The following PXK variants were observed in gnomAD, a reference collection of about 807,000 sequenced individuals.
PXK encodes the protein PX domain containing serine/threonine kinase like.
PXK carries 35 observed loss-of-function variants against 84.7 expected under a neutral mutation model. The observed-to-expected ratio is 0.41, with a 90% CI of 0.32 to 0.55. The LOEUF (loss-of-function observed/expected upper bound fraction) is 0.55. PXK is among the 20% of genes least tolerant of loss of function. The pLI is 0.21. For synonymous variants in PXK, 253 were observed against 260.8 expected, an observed-to-expected ratio of 0.97 and a Z score of 0.29; for missense variants, 634 against 699.7, an observed-to-expected ratio of 0.91 and a Z score of 1.06.
chr3:58,374,921 C>T (rs1220955800), intron 3 of PXK, among the ~76,000 whole-genome samples: 1 of 152,074 alleles, frequency 6.6e-6, no homozygotes, highest in Non-Finnish European at 1.5e-5. Flanking sequence ...GCAGGAAAAC[C>T]ACCTCCGGTC....
At chr3:58,351,865 T>C (rs2097933877) in intron 1 of PXK, among the ~76,000 whole-genome samples, 1 of 152,212 alleles carries the variant, frequency 6.6e-6, no homozygotes, top group South Asian at 2.1e-4. Flanking sequence ...CTGTGCTTGC[T>C]GATTAGAGTC....
intron 4 of PXK, among the ~76,000 whole-genome samples, chr3:58,389,300 A>G (rs1254346141): frequency 6.6e-6 from 1 of 152,186 alleles, no homozygotes; most frequent in African/African-American, 2.4e-5. Flanking sequence ...CTATAATTCC[A>G]GATGGGATAA....
Position 58,400,048 on chromosome 3 carries a change from C to G in PXK, c.1181+671C>G, listed in dbSNP as rs1410046236. Among the ~76,000 whole-genome samples, 1 of 151,938 alleles carries G rather than the reference C, an allele frequency of 6.6e-6. No homozygotes were observed. The highest frequency in any genetic ancestry group is 6.6e-5 in the Admixed American group (1 of 15,246). Reference sequence around the variant, plus strand: ...CAGCAGAGTGGTTAAGAAGGGTGTGCCTGGGGTGGGACAGACCTGGAGGTG... The same window carrying G: ...CAGCAGAGTGGTTAAGAAGGGTGTGGCTGGGGTGGGACAGACCTGGAGGTG... On this transcript the variant is annotated intron_variant, in intron 12 of 17. Transcript: ENST00000356151. This position sits in a 1 kb window ranked among gnomAD's most constrained non-coding sequence, Gnocchi z 4.0.
At chr3:58,423,495 G>GT (rs2062270527) in intron 17 of PXK, 1 of 1,534,496 alleles carries the variant, frequency 6.5e-7, no homozygotes, top group Admixed American at 2.0e-5. Flanking sequence ...GTAAAGAAAG[G>GT]TAAGTGATTT....
intron 7 of PXK, among the ~76,000 whole-genome samples, chr3:58,392,215 G>T (rs550167063): frequency 6.6e-6 from 1 of 152,184 alleles, no homozygotes; most frequent in East Asian, 1.9e-4. Flanking sequence ...GATAAGCTGG[G>T]TGAAGAAAAG....
intron 3 of PXK, among the ~76,000 whole-genome samples, chr3:58,382,118 T>A (rs2098509133): frequency 6.6e-6 from 1 of 151,928 alleles, no homozygotes; most frequent in South Asian, 2.1e-4. Flanking sequence ...GAGTTTGAGA[T>A]CAGCCTGGCC....
At chr3:58,353,204 A>G (rs1409794346) in intron 1 of PXK, among the ~76,000 whole-genome samples, 1 of 152,102 alleles carries the variant, frequency 6.6e-6, no homozygotes, top group East Asian at 1.9e-4. Flanking sequence ...TCACCGTGTT[A>G]GCCAGAATGG....
chr3:58,419,133 G>A lies in PXK; in HGVS notation c.1529-5619G>A, dbSNP rs942851965. Among the ~76,000 whole-genome samples the A allele has an allele frequency of 2.7e-5, 4 of 149,624 alleles. No homozygotes were observed. In the East Asian group the frequency reaches 5.8e-4, roughly 22 times the overall value. On this transcript the variant is annotated intron_variant, in intron 17 of 17. Coordinates refer to ENST00000356151, the MANE Select transcript of PXK (RefSeq NM_017771.5). The stretch of plus-strand genomic sequence containing the variant: ...TAGGCTGAGTGGGGAAACCCAGCAA[G>A]TCTGTCTGTCTAGATTCTTCTCAGC...
In PXK at chr3:58,425,907, T is replaced by G. The variant is rs2062750470; in HGVS notation, c.*947T>G. On this transcript the variant is annotated 3_prime_UTR_variant, in exon 18 of 18. Transcript: ENST00000356151. ...ACTTTAAAGGATTATAAATAATCCA[T>G]TTAAAAATTCAAGTACACACATCAG... is the stretch of plus-strand genomic sequence containing the variant. 6.6e-6 allele frequency: 1 copy of G among 152,262 alleles called. No individual in the cohort carries two copies. The highest frequency in any genetic ancestry group is 6.5e-5 in the Admixed American group (1 of 15,284). The allele number at this position is 152,262 out of a possible 1,614,324, so 9.4% of individuals were successfully genotyped here. A position where few individuals can be genotyped will look rare whatever the true frequency, so the allele number is the denominator to read the frequency against.
chr3:58,390,562 T>G lies in PXK; in HGVS notation c.389-20T>G, dbSNP rs758085478. ...TTTCCTGATATGTCTGACTAATGGG[T>G]TTCTAAAATGTCTTTGCAGAGATTG... On this transcript the variant is annotated intron_variant, in intron 4 of 17. Transcript: ENST00000356151. The surrounding 1 kb of genome is among the most constrained non-coding windows in gnomAD (Gnocchi z 4.2). 1.2e-6 allele frequency: 2 copies of G among 1,604,108 alleles called. No homozygotes were observed. Among genetic ancestry groups the G allele is most frequent in the Admixed American group, 3.4e-5 (2 of 59,454 alleles).
rs1288300827 is a variant in PXK at position 58,333,193 on chromosome 3, C to T, written c.102+103C>T. On this transcript the variant is annotated intron_variant, in intron 1 of 17. Coordinates refer to ENST00000356151, the MANE Select transcript of PXK (RefSeq NM_017771.5). The surrounding 1 kb of genome is among the most constrained non-coding windows in gnomAD (Gnocchi z 5.4). Reference sequence around the variant, plus strand: ...CCGGGCAGGGTCGTCGGACGGAGACCGGGCCACAGGGTGGGCGGCCCTGGC... The same window carrying T: ...CCGGGCAGGGTCGTCGGACGGAGACTGGGCCACAGGGTGGGCGGCCCTGGC... 3.0e-6 allele frequency: 2 copies of T among 671,724 alleles called. No homozygotes were observed. The highest frequency in any genetic ancestry group is 2.0e-5 in the African/African-American group (1 of 50,714). 41.6% of individuals were successfully genotyped at this position (671,724 alleles called of 1,614,324 possible).
intron 17 of PXK, among the ~76,000 whole-genome samples, chr3:58,417,458 G>GC (rs2061159539): frequency 6.6e-6 from 1 of 152,110 alleles, no homozygotes; most frequent in African/African-American, 2.4e-5. Flanking sequence ...AAGGGTTGGG[G>GC]CCCCTCCCTT....
Position 58,348,914 on chromosome 3 carries a change from CT to C in PXK, c.102+15832del, listed in dbSNP as rs1422362318. On this transcript the variant is annotated intron_variant, in intron 1 of 17. Coordinates refer to ENST00000356151, the MANE Select transcript of PXK (RefSeq NM_017771.5). Reference sequence around the variant, plus strand: ...GTAACAGAGTGAGACCCTGTCTGTACTTTTTTTTAATTAATATGTTTTGCAT... The same window carrying C: ...GTAACAGAGTGAGACCCTGTCTGTACTTTTTTTAATTAATATGTTTTGCAT... Among the ~76,000 whole-genome samples, 3 of 150,552 alleles carry C rather than the reference CT, an allele frequency of 2.0e-5. No individual in the cohort carries two copies. In the East Asian group the frequency reaches 6.0e-4, roughly 30 times the overall value.
At chr3:58,350,694 A>ACATT (rs2097905779) in intron 1 of PXK, among the ~76,000 whole-genome samples, 1 of 152,144 alleles carries the variant, frequency 6.6e-6, no homozygotes, top group African/African-American at 2.4e-5. Context: ...CTCCCTTCAG[A>ACATT]CATTGTTGGG....
At chr3:58,338,992 C>A (rs1405053954) in intron 1 of PXK, among the ~76,000 whole-genome samples, 8 of 152,024 alleles carry the variant, frequency 5.3e-5, no homozygotes, top group Non-Finnish European at 1.2e-4. Flanking sequence ...CATCTTGCAG[C>A]ACTTCCACAC....
chr3:58,350,336 G>A (rs1283037690), intron 1 of PXK, among the ~76,000 whole-genome samples: 1 of 152,094 alleles, frequency 6.6e-6, no homozygotes, highest in Admixed American at 6.6e-5. Flanking sequence ...AAGTATAGGG[G>A]TATTAAAACC....
chr3:58,420,581 A>G (rs1365910721), intron 17 of PXK: 4 of 1,535,922 alleles, frequency 2.6e-6, no homozygotes, highest in African/African-American at 2.7e-5. Context: ...AAAGTAAACT[A>G]TGCTGATTTC....
At chr3:58,338,620 CT>C (rs200838199) in intron 1 of PXK, among the ~76,000 whole-genome samples, 91 of 147,268 alleles carry the variant, frequency 6.2e-4, no homozygotes, top group Admixed American at 8.1e-4. Flanking sequence ...AAGACTCCGT[CT>C]TAAAAAAAAA....
intron 17 of PXK, among the ~76,000 whole-genome samples, chr3:58,417,029 T>G (rs1190856843): frequency 6.6e-6 from 1 of 152,182 alleles, no homozygotes; most frequent in Non-Finnish European, 1.5e-5. Flanking sequence ...CTCAGCCTTC[T>G]GAGAGGCTGG....
Sources: gnomAD v4.1 joint callset for allele counts (sites outside exome capture counted in the v4.1 genomes callset) on GRCh38, gnomAD v4.1.1 for gene constraint, Gnocchi (gnomAD v3.1) non-coding constraint, MANE v1.5 for transcripts, NCBI Gene and HGNC (gene_info 2026-07-23, HGNC 2026-07-21) for gene names.